Variants in SVEP1 observed in about 807,000 individuals in gnomAD.
SVEP1 encodes sushi, von Willebrand factor type A, EGF and pentraxin domain-containing protein 1.
Under a neutral mutation model 367.3 loss-of-function variants are expected in SVEP1, and 164 were observed. That is an observed-to-expected ratio of 0.45 (90% CI 0.39 to 0.51). The LOEUF (loss-of-function observed/expected upper bound fraction) is 0.51. Ranked by LOEUF, SVEP1 falls within the 20% of genes least tolerant of loss-of-function variation. The pLI, the probability that SVEP1 is intolerant of heterozygous loss-of-function variation, is 0.00. For synonymous variants in SVEP1, 1,666 were observed against 1,611.6 expected (o/e 1.03, Z -0.81); for missense variants, 4,117 against 4,425.3 (o/e 0.93, Z 1.98).
intron 40 of SVEP1, among the ~76,000 whole-genome samples, chr9:110,392,911 A>T (rs1191317441): frequency 6.6e-6 from 1 of 152,148 alleles, no homozygotes; most frequent in East Asian, 1.9e-4. Flanking sequence ...GTTCCCTGCT[A>T]TTTTGTGTGA....
intron 7 of SVEP1, among the ~76,000 whole-genome samples, chr9:110,498,757 C>T (rs1179993756): frequency 6.6e-6 from 1 of 152,044 alleles, no homozygotes; most frequent in African/African-American, 2.4e-5. Flanking sequence ...TTATATAGAC[C>T]AAGACTTCCC....
chr9:110,546,431 C>T (rs900479305), intron 2 of SVEP1, 140 bp from the exon 3 acceptor site: 10 of 963,286 alleles, frequency 1.0e-5, no homozygotes, highest in Admixed American at 2.7e-5. Context: ...CTGCTCCCAC[C>T]CAAATACGAA....
At chr9:110,371,322 T>C (rs1344650386) in intron 46 of SVEP1, among the ~76,000 whole-genome samples, 4 of 152,168 alleles carry the variant, frequency 2.6e-5, no homozygotes, top group Non-Finnish European at 4.4e-5. Context: ...AACAAACTAG[T>C]CATTACATTT....
chr9:110,369,604 T>A (rs1239308673), intron 47 of SVEP1: 3 of 204,310 alleles, frequency 1.5e-5, no homozygotes, highest in African/African-American at 6.9e-5. Context: ...AACTGTGGAA[T>A]GCTTCACAAA....
chr9:110,487,813 C>T (rs56393171), intron 9 of SVEP1, among the ~76,000 whole-genome samples: 4,286 of 152,200 alleles, frequency 0.028, 193 homozygotes, highest in African/African-American at 0.098. Flanking sequence ...ATTACTTTTA[C>T]TTTTGGATAA....
intron 1 of SVEP1, among the ~76,000 whole-genome samples, chr9:110,575,158 C>A (rs1004965530): frequency 1.3e-5 from 2 of 152,156 alleles, no homozygotes; most frequent in African/African-American, 4.8e-5. Flanking sequence ...GAAATCCCTG[C>A]TTGTTAGATT....
chr9:110,403,334 A>C (rs1362863524), intron 39 of SVEP1, among the ~76,000 whole-genome samples: 7 of 69,434 alleles, frequency 1.0e-4, no homozygotes. Flanking sequence ...GACACGGAGT[A>C]TTGCTCTGTT....
Position 110,443,795 on chromosome 9 carries a change from T to A in SVEP1, c.4464-75A>T, listed in dbSNP as rs867770071. The A allele has an allele frequency of 2.2e-5, 27 of 1,255,004 alleles. No individual in the cohort carries two copies. The Middle Eastern group carries it at 3.8e-3, about 176-fold the overall frequency. The allele number at this position is 1,255,004 out of a possible 1,614,324, so 77.7% of individuals were successfully genotyped here. On this transcript the variant is annotated intron_variant, in intron 26 of 47. Transcript: ENST00000374469. ...ATCCTTACTGTGGGGCATGCTACAA[T>A]TTTTCTTCTTTTTCTTTTTTTGTGG...
At chr9:110,446,066 C>T (rs1463110100) in intron 25 of SVEP1, 28 bp from the exon 26 acceptor site, 1 of 1,570,194 alleles carries the variant, frequency 6.4e-7, no homozygotes, top group African/African-American at 1.4e-5. Flanking sequence ...AGTGTGCAGA[C>T]TGTGGCACTT....
chr9:110,387,455 G>T lies in SVEP1; in HGVS notation c.9890C>A (p.Thr3297Asn). 6.2e-7 allele frequency: 1 copy of T among 1,600,526 alleles called. No homozygotes were observed. Among genetic ancestry groups the T allele is most frequent in the Non-Finnish European group, 8.5e-7 (1 of 1,176,262 alleles). The change falls in exon 42 of 48, where the codon ACC becomes AAC. Residue 3297 changes from threonine (T) to asparagine (N), a missense_variant. Thr to Asn is a moderately conservative substitution (Grantham distance 65, BLOSUM62 0). Coordinates refer to ENST00000374469, the MANE Select transcript of SVEP1 (RefSeq NM_153366.4). ...WSGGVAICKE[T>N]RCETPLEFLN... ...AAATTCAAGTGGAGTTTCACACCTG[G>T]TCTCTAAAAACAAGAATAAAAGCCT... is the stretch of plus-strand genomic sequence containing the variant.
In SVEP1 at chr9:110,400,948, T is replaced by A; in HGVS notation, c.9728A>T (p.Lys3243Ile). ...DESCSPVSCG[K>I]PESPEHGFVV... ...AAATCCATGTTCTGGACTTTCAGGT[T>A]TCCCACAAGAAACTGGACTGCAAGA... is the stretch of plus-strand genomic sequence containing the variant. Residue 3243 changes from lysine to isoleucine, a missense_variant, in exon 40 of 48, where the codon AAA (lysine) becomes ATA (isoleucine). Physicochemically the swap from Lys to Ile is moderately radical, Grantham distance 102. Coordinates refer to ENST00000374469, the MANE Select transcript of SVEP1 (RefSeq NM_153366.4). 1 of 1,613,898 alleles carries A rather than the reference T, an allele frequency of 6.2e-7. No individual in the cohort carries two copies. Among genetic ancestry groups the A allele is most frequent in the South Asian group, 1.1e-5 (1 of 91,078 alleles).
chr9:110,456,766 ATACGTAATTCC>A (rs1431339024), intron 21 of SVEP1, among the ~76,000 whole-genome samples: 1 of 152,230 alleles, frequency 6.6e-6, no homozygotes, highest in Non-Finnish European at 1.5e-5. Context: ...CCCATAATTC[ATACGTAATTCC>A]TACATAATAA....
intron 45 of SVEP1, among the ~76,000 whole-genome samples, chr9:110,376,020 ATCATTCC>A (rs1415725059): frequency 1.3e-5 from 2 of 152,186 alleles, no homozygotes; most frequent in Non-Finnish European, 2.9e-5. Context: ...GTTCATGACT[ATCATTCC>A]TCCTCCTAGA....
In SVEP1 at chr9:110,411,108, C is replaced by T. The variant is rs568846578; in HGVS notation, c.6603G>A (p.Pro2201=). The T allele has an allele frequency of 2.5e-5, 40 of 1,608,462 alleles. No homozygotes were observed. Among genetic ancestry groups the T allele is most frequent in the Non-Finnish European group, 2.6e-5 (31 of 1,176,940 alleles). The change falls in exon 37 of 48, where the codon CCG becomes CCA. Residue 2201 remains proline (P), a synonymous_variant. Transcript: ENST00000374469. The part of the protein sequence containing the change: ...QWSSPIPTCH[P]VSCGEPPKVE... ...CCTTAGGTGGTTCACCACAAGATAC[C>T]GGGTGGCACGTCGGTATAGGACTAC... is the stretch of plus-strand genomic sequence containing the variant.
At chr9:110,428,425 C>CAAACAT (rs72069899) in intron 35 of SVEP1, among the ~76,000 whole-genome samples, 3 of 151,192 alleles carry the variant, frequency 2.0e-5, no homozygotes, top group Non-Finnish European at 3.0e-5. Context: ...CACACACACA[C>CAAACAT]ACACCATTAA....
intron 1 of SVEP1, among the ~76,000 whole-genome samples, chr9:110,562,238 C>CA (rs752445572): frequency 1.1e-4 from 14 of 125,568 alleles, no homozygotes; most frequent in Non-Finnish European, 1.9e-4. Context: ...ATAGCAAAAA[C>CA]AAAAAAAAAG....
chr9:110,532,951 C>T (rs10980431), intron 3 of SVEP1, among the ~76,000 whole-genome samples: 16 of 152,224 alleles, frequency 1.1e-4, no homozygotes, highest in African/African-American at 3.9e-4. Context: ...TTTCCACTGA[C>T]TAGGGTACGG....
chr9:110,569,381 G>A (rs185068261), intron 1 of SVEP1, among the ~76,000 whole-genome samples: 172 of 151,070 alleles, frequency 1.1e-3, no homozygotes, highest in African/African-American at 3.8e-3. Flanking sequence ...ACTTGAACCC[G>A]GGAGGTGGAG....
At chr9:110,462,969 C>A (rs905614217) in intron 18 of SVEP1, among the ~76,000 whole-genome samples, 16 of 151,880 alleles carry the variant, frequency 1.1e-4, no homozygotes, top group African/African-American at 3.9e-4. Context: ...GGTTCTCTTA[C>A]CACACACACC....
Sources: gnomAD v4.1 joint callset for allele counts (sites outside exome capture counted in the v4.1 genomes callset) on GRCh38, gnomAD v4.1.1 for gene constraint, MANE v1.5 for transcripts, NCBI Gene and HGNC (gene_info 2026-07-23, HGNC 2026-07-21) for gene names.